NAALADL2: variants seen among roughly 807,000 people sequenced by gnomAD.
The protein encoded by NAALADL2 is N-acetylated alpha-linked acidic dipeptidase like 2.
In NAALADL2, 76 loss-of-function variants were observed where a neutral mutation model predicts 87.2. The observed-to-expected ratio is 0.87, with a 90% CI of 0.72 to 1.05. The LOEUF is 1.05. NAALADL2 is among the 50% of genes least tolerant of loss of function. The pLI, the probability that NAALADL2 is intolerant of heterozygous loss-of-function variation, is 0.00. For synonymous variants in NAALADL2, 354 were observed against 331.0 expected, an observed-to-expected ratio of 1.07 and a Z score of -0.75; for missense variants, 1,089 against 945.8, an observed-to-expected ratio of 1.15 and a Z score of -1.99.
intron 2 of NAALADL2, among the ~76,000 whole-genome samples, chr3:175,166,257 AAC>A (rs1014019903): frequency 3.3e-5 from 5 of 152,094 alleles, no homozygotes; most frequent in African/African-American, 1.2e-4. Flanking sequence ...TTATTATACA[AAC>A]ACACAAACAA....
chr3:175,401,116 C>G (rs1038691227), intron 5 of NAALADL2, among the ~76,000 whole-genome samples: 3 of 152,050 alleles, frequency 2.0e-5, no homozygotes, highest in Non-Finnish European at 4.4e-5. Flanking sequence ...GGTACAGGTA[C>G]ATAGAAGTTA....
At chr3:174,984,222 A>C (rs191892851) in intron 1 of NAALADL2, among the ~76,000 whole-genome samples, 3 of 152,356 alleles carry the variant, frequency 2.0e-5, no homozygotes, top group Admixed American at 2.0e-4. Flanking sequence ...ATATTAAATC[A>C]CTGTCATATA....
intron 5 of NAALADL2, among the ~76,000 whole-genome samples, chr3:175,371,393 G>A (rs1347190133): frequency 6.6e-6 from 1 of 151,994 alleles, no homozygotes; most frequent in Non-Finnish European, 1.5e-5. Context: ...TCAGCCTCCT[G>A]AGTAGCTGGG....
intron 10 of NAALADL2, among the ~76,000 whole-genome samples, chr3:175,616,095 A>G (rs1031754954): frequency 2.0e-5 from 3 of 147,328 alleles, no homozygotes; most frequent in Non-Finnish European, 4.5e-5. Flanking sequence ...TCATTTTAAT[A>G]AAAGGAATAT....
chr3:175,154,577 G>GT (rs147629206), intron 2 of NAALADL2, among the ~76,000 whole-genome samples: 17,121 of 152,094 alleles, frequency 0.11, 1,089 homozygotes, highest in African/African-American at 0.16. Flanking sequence ...ATAGTGCTAT[G>GT]TAAGAACACT....
intron 2 of NAALADL2, among the ~76,000 whole-genome samples, chr3:175,180,676 C>T (rs1736326514): frequency 1.9e-5 from 2 of 103,752 alleles, no homozygotes; most frequent in African/African-American, 3.2e-5. Flanking sequence ...TTCTTCCAAC[C>T]ACCATTAATT....
chr3:175,219,549 G>A (rs2109337336), intron 2 of NAALADL2, among the ~76,000 whole-genome samples: 1 of 152,134 alleles, frequency 6.6e-6, no homozygotes, highest in South Asian at 2.1e-4. Context: ...CAGTTTGTCA[G>A]TTTTGTCTTC....
At chr3:175,513,006 G>A (rs1244840477) in intron 9 of NAALADL2, among the ~76,000 whole-genome samples, 1 of 152,138 alleles carries the variant, frequency 6.6e-6, no homozygotes, top group African/African-American at 2.4e-5. Context: ...TTTACAAGAA[G>A]CTACTCTAAA....
At chr3:174,531,169 G>GTA (rs1450147502) in intron 1 of NAALADL2, among the ~76,000 whole-genome samples, 6 of 151,908 alleles carry the variant, frequency 3.9e-5, no homozygotes, top group Non-Finnish European at 8.8e-5. Flanking sequence ...TATGCATGGT[G>GTA]TATGTTTCTA....
At chr3:175,384,927 G>A (rs1768196813) in intron 5 of NAALADL2, among the ~76,000 whole-genome samples, 1 of 151,884 alleles carries the variant, frequency 6.6e-6, no homozygotes, top group African/African-American at 2.4e-5. Context: ...GCAGAAAAAA[G>A]TAAAATAATG....
At chr3:174,539,977 GAAAAAAAAAAAAAAAAA>G (rs57394560) in intron 1 of NAALADL2, among the ~76,000 whole-genome samples, 2 of 51,204 alleles carry the variant, frequency 3.9e-5, no homozygotes, top group South Asian at 1.3e-3. Flanking sequence ...GGAAGTTCTG[GAAAAAAAAAAAAAAAAA>G]AAAAAAAAAA....
intron 2 of NAALADL2, among the ~76,000 whole-genome samples, chr3:175,202,297 G>T (rs539039230): frequency 6.6e-6 from 1 of 152,260 alleles, no homozygotes; most frequent in East Asian, 1.9e-4. Context: ...AGACAAGGCA[G>T]TTCTGTTGGC....
intron 2 of NAALADL2, among the ~76,000 whole-genome samples, chr3:174,623,058 T>C (rs1179137108): frequency 6.6e-6 from 1 of 152,018 alleles, no homozygotes; most frequent in African/African-American, 2.4e-5. Context: ...AAAAGAGGAC[T>C]CATCTGTCTG....
chr3:175,516,639 C>T (rs559718272), intron 9 of NAALADL2, among the ~76,000 whole-genome samples: 2 of 152,198 alleles, frequency 1.3e-5, no homozygotes, highest in African/African-American at 2.4e-5. Flanking sequence ...AAAGAAAATA[C>T]CGTGAGGAGT....
At chr3:174,614,926 T>TTTG (rs1560094730) in intron 2 of NAALADL2, among the ~76,000 whole-genome samples, 4 of 151,914 alleles carry the variant, frequency 2.6e-5, no homozygotes, top group Non-Finnish European at 5.9e-5. Flanking sequence ...ATAATGAACT[T>TTTG]TTCTCCAGTA....
At chr3:175,191,719 A>G (rs775178480) in intron 2 of NAALADL2, among the ~76,000 whole-genome samples, 9 of 152,242 alleles carry the variant, frequency 5.9e-5, no homozygotes, top group Non-Finnish European at 1.2e-4. Flanking sequence ...TATAGCAAGC[A>G]TAGTTTTGGG....
chr3:175,301,982 G>A (rs75464019), intron 4 of NAALADL2, among the ~76,000 whole-genome samples: 4,235 of 152,114 alleles, frequency 0.028, 127 homozygotes, highest in Non-Finnish European at 0.029. Context: ...GAGGCATGAG[G>A]GATGGTTTAA....
At chr3:175,456,369 A>G (rs1236296230) in intron 6 of NAALADL2, among the ~76,000 whole-genome samples, 1 of 152,038 alleles carries the variant, frequency 6.6e-6, no homozygotes, top group Non-Finnish European at 1.5e-5. Context: ...GAAATCTTTT[A>G]AACTTCACAT....
intron 2 of NAALADL2, among the ~76,000 whole-genome samples, chr3:174,629,979 C>T (rs566231122): frequency 1.3e-5 from 2 of 152,066 alleles, no homozygotes; most frequent in Admixed American, 6.5e-5. Flanking sequence ...TGATGTCACT[C>T]GAAAACTTTC....
Sources: allele counts gnomAD v4.1 joint callset (sites outside exome capture counted in the v4.1 genomes callset), GRCh38; gene constraint gnomAD v4.1.1; transcripts MANE v1.5; gene names NCBI Gene and HGNC (gene_info 2026-07-23, HGNC 2026-07-21).